Variants in ATOH8 observed in about 807,000 individuals in gnomAD.
The protein encoded by ATOH8 is transcription factor ATOH8.
In ATOH8, 9 loss-of-function variants were observed where a neutral mutation model predicts 21.2. That is an observed-to-expected ratio of 0.42 (90% CI 0.26 to 0.74). ATOH8 has a LOEUF of 0.74. Ranked by LOEUF, ATOH8 falls within the 30% of genes least tolerant of loss-of-function variation. The pLI is 0.24. For synonymous variants in ATOH8, 253 were observed against 224.0 expected, an observed-to-expected ratio of 1.13 and a Z score of -1.16; for missense variants, 524 against 470.9, an observed-to-expected ratio of 1.11 and a Z score of -1.04.
intron 2 of ATOH8, among the ~76,000 whole-genome samples, chr2:85,783,989 G>A (rs1416818083): frequency 2.0e-5 from 3 of 152,188 alleles, no homozygotes; most frequent in Admixed American, 6.5e-5. Flanking sequence ...ACTGGGTCTT[G>A]GGGATTGGCA....
rs1679580444 is a variant in ATOH8 at position 85,754,047 on chromosome 2, G to A, written c.-143G>A. The A allele has an allele frequency of 1.9e-6, 2 of 1,073,542 alleles. No individual in the cohort carries two copies. Among genetic ancestry groups the A allele is most frequent in the East Asian group, 3.2e-5 (1 of 30,886 alleles). The allele number at this position is 1,073,542 out of a possible 1,614,324, so 66.5% of individuals were successfully genotyped here. On this transcript the variant is annotated 5_prime_UTR_variant, in exon 1 of 3. Transcript: ENST00000306279. ...AGCCCGGCGGCTTCCCGAAGCCGGC[G>A]GCGCAGCTGCCCGGGGCGAGGGGGA...
chr2:85,754,115 C>A lies in ATOH8; in HGVS notation c.-75C>A. 1 of 1,390,898 alleles carries A rather than the reference C, an allele frequency of 7.2e-7. No individual in the cohort carries two copies. The highest frequency in any genetic ancestry group is 9.3e-7 in the Non-Finnish European group (1 of 1,074,212). 86.2% of individuals were successfully genotyped at this position (1,390,898 alleles called of 1,614,324 possible). ...GGGGAGGGCGGGCGAAGCGGGAGAG[C>A]CAGAGACTCCTCGGCGCTGAGCGCG... On this transcript the variant is annotated 5_prime_UTR_variant, in exon 1 of 3. Transcript: ENST00000306279.
In ATOH8 at chr2:85,754,446, C is replaced by G; in HGVS notation, c.257C>G (p.Pro86Arg). 1 of 1,512,912 alleles carries G rather than the reference C, an allele frequency of 6.6e-7. No individual in the cohort carries two copies. Among genetic ancestry groups the G allele is most frequent in the South Asian group, 1.3e-5 (1 of 76,562 alleles). The allele number at this position is 1,512,912 out of a possible 1,614,324, so 93.7% of individuals were successfully genotyped here. The change falls in exon 1 of 3, where the codon CCA becomes CGA. Residue 86 changes from proline to arginine, a missense_variant. Transcript: ENST00000306279. ...GTCCCAGTGGCGCCGGCCGTTCCCC[C>G]AAGAGGGGGCACGGACACAGCCGGG... Reference protein sequence around the residue: ...VPVPVAPAVPPRGGTDTAGER... With the variant: ...VPVPVAPAVPRRGGTDTAGER...
intron 2 of ATOH8, among the ~76,000 whole-genome samples, chr2:85,772,125 C>T (rs1171713637): frequency 6.6e-6 from 1 of 152,190 alleles, no homozygotes; most frequent in Non-Finnish European, 1.5e-5. Context: ...GCAGTGCAGG[C>T]TCCATTTAGC....
At chr2:85,777,138 G>A (rs1475394123) in intron 2 of ATOH8, among the ~76,000 whole-genome samples, 1 of 152,166 alleles carries the variant, frequency 6.6e-6, no homozygotes, top group Non-Finnish European at 1.5e-5. Context: ...TAGTGCTGGG[G>A]GCATTTTGGA....
intron 2 of ATOH8, among the ~76,000 whole-genome samples, chr2:85,769,071 G>GAGGAGGAGGAGGGGAAAGAGGAAT (rs1482805044): frequency 5.3e-5 from 8 of 152,352 alleles, no homozygotes; most frequent in African/African-American, 1.7e-4. Context: ...GAAAGAGGAA[G>GAGGAGGAGGAGGGGAAAGAGGAAT]ACAAGGAGGA....
intron 2 of ATOH8, among the ~76,000 whole-genome samples, chr2:85,779,903 G>T (rs1680437070): frequency 6.6e-6 from 1 of 152,242 alleles, no homozygotes; most frequent in Non-Finnish European, 1.5e-5. Flanking sequence ...GCCCTGGGAG[G>T]ATGGGGTGCT....
chr2:85,754,633 G>T lies in ATOH8; in HGVS notation c.444G>T (p.Pro148=), dbSNP rs541971104. 1 of 1,509,976 alleles carries T rather than the reference G, an allele frequency of 6.6e-7. No individual in the cohort carries two copies. Among genetic ancestry groups the T allele is most frequent in the South Asian group, 1.3e-5 (1 of 79,330 alleles). The allele number at this position is 1,509,976 out of a possible 1,614,324, so 93.5% of individuals were successfully genotyped here. Reference sequence around the variant, plus strand: ...CAGAGGCACAGCCTTTCCGGGAGCCGGGTCTGCGTCCTCGCATCTTGCTGT... The same window carrying T: ...CAGAGGCACAGCCTTTCCGGGAGCCTGGTCTGCGTCCTCGCATCTTGCTGT... ...GGPEAQPFRE[P]GLRPRILLCA... Residue 148 remains proline, a synonymous_variant, in exon 1 of 3, where the codon CCG becomes CCT. Coordinates refer to ENST00000306279, the MANE Select transcript of ATOH8 (RefSeq NM_032827.7).
At chr2:85,756,366 C>A (rs1241505324) in intron 1 of ATOH8, among the ~76,000 whole-genome samples, 1 of 152,148 alleles carries the variant, frequency 6.6e-6, no homozygotes, top group African/African-American at 2.4e-5. Context: ...CAACCCACTC[C>A]CCAGGACAGA....
Position 85,754,030 on chromosome 2 carries a change from G to A in ATOH8, c.-160G>A, listed in dbSNP as rs1679579732. ...GCGCTCCGGGAACGGACAGCCCGGC[G>A]GCTTCCCGAAGCCGGCGGCGCAGCT... On this transcript the variant is annotated 5_prime_UTR_variant, in exon 1 of 3. Coordinates refer to ENST00000306279, the MANE Select transcript of ATOH8 (RefSeq NM_032827.7). 2 of 811,738 alleles carry A rather than the reference G, an allele frequency of 2.5e-6. No individual in the cohort carries two copies. The highest frequency in any genetic ancestry group is 4.1e-5 in the Admixed American group (1 of 24,550). 50.3% of individuals were successfully genotyped at this position (811,738 alleles called of 1,614,324 possible).
In ATOH8 at chr2:85,785,880, T is replaced by C. The variant is rs888823092; in HGVS notation, c.961-1005T>C. On this transcript the variant is annotated intron_variant, in intron 2 of 2. Coordinates refer to ENST00000306279, the MANE Select transcript of ATOH8 (RefSeq NM_032827.7). This position sits in a 1 kb window ranked among gnomAD's most constrained non-coding sequence, Gnocchi z 4.1. The stretch of plus-strand genomic sequence containing the variant: ...AATCAAAAGGGTGTTTGGAGTTGCT[T>C]TAAGAGGGTTATGTTGTACCAGGTT... Among the ~76,000 whole-genome samples, 3 of 152,134 alleles carry C rather than the reference T, an allele frequency of 2.0e-5. No individual in the cohort carries two copies. Among genetic ancestry groups the C allele is most frequent in the African/African-American group, 7.2e-5 (3 of 41,412 alleles).
In ATOH8 at chr2:85,786,977, C is replaced by T. The variant is rs1056863880; in HGVS notation, c.*87C>T. 78 of 1,581,490 alleles carry T rather than the reference C, an allele frequency of 4.9e-5. No homozygotes were observed. The Middle Eastern group carries it at 6.7e-4, about 13-fold the overall frequency. On this transcript the variant is annotated 3_prime_UTR_variant, in exon 3 of 3. Coordinates refer to ENST00000306279, the MANE Select transcript of ATOH8 (RefSeq NM_032827.7). ...AAGGTGAGCTCGCTGAGTCCAGCCT[C>T]GTGGTCTTCTCCAAGATGCCGCCAG...
chr2:85,782,097 G>T (rs1680512185), intron 2 of ATOH8, among the ~76,000 whole-genome samples: 2 of 151,890 alleles, frequency 1.3e-5, no homozygotes, highest in African/African-American at 4.8e-5. Context: ...TGTGGTTTTT[G>T]AAAAACTCTC....
intron 1 of ATOH8, among the ~76,000 whole-genome samples, chr2:85,759,003 T>C (rs573198580): frequency 1.3e-5 from 2 of 152,286 alleles, no homozygotes; most frequent in South Asian, 4.1e-4. Flanking sequence ...TCAGGGTTGA[T>C]GGAGGATGGC....
At chr2:85,772,885 C>T (rs576532728) in intron 2 of ATOH8, 21 of 449,112 alleles carry the variant, frequency 4.7e-5, no homozygotes, top group Non-Finnish European at 9.3e-5. Flanking sequence ...TCCTCCTCTG[C>T]GAGCCCGAAG....
chr2:85,767,746 A>G (rs1330448820), intron 2 of ATOH8, among the ~76,000 whole-genome samples: 1 of 152,042 alleles, frequency 6.6e-6, no homozygotes, highest in Non-Finnish European at 1.5e-5. Context: ...AAAAAGGAAA[A>G]AGCAAACCAA....
intron 2 of ATOH8, chr2:85,773,044 A>G (rs1202297729): frequency 5.6e-6 from 2 of 359,246 alleles, no homozygotes; most frequent in African/African-American, 4.3e-5. Flanking sequence ...CTCAGTGTTG[A>G]GGCTCAAAAC....
At chr2:85,775,563 G>T (rs1558615403) in intron 2 of ATOH8, among the ~76,000 whole-genome samples, 1 of 152,200 alleles carries the variant, frequency 6.6e-6, no homozygotes, top group Non-Finnish European at 1.5e-5. Context: ...GGATCCAAGA[G>T]TCCAGGCTTC....
intron 2 of ATOH8, among the ~76,000 whole-genome samples, chr2:85,768,644 G>A (rs1012803403): frequency 6.6e-6 from 1 of 152,174 alleles, no homozygotes; most frequent in Non-Finnish European, 1.5e-5. Context: ...GTCCTCTGAG[G>A]TCCCTCGCAC....
Sources: allele counts gnomAD v4.1 joint callset (sites outside exome capture counted in the v4.1 genomes callset), GRCh38; gene constraint gnomAD v4.1.1; non-coding constraint Gnocchi (gnomAD v3.1); transcripts MANE v1.5; gene names NCBI Gene and HGNC (gene_info 2026-07-23, HGNC 2026-07-21).